Variants in LRRC69 observed in about 807,000 individuals in gnomAD.
LRRC69 encodes leucine-rich repeat-containing protein 69.
A neutral mutation model predicts 37.8 loss-of-function variants in LRRC69; 42 were observed. That is an observed-to-expected ratio of 1.11 (90% CI 0.87 to 1.44). The LOEUF (loss-of-function observed/expected upper bound fraction) is 1.44. Ranked by LOEUF, LRRC69 falls within the 40% of genes most tolerant of loss-of-function variation. The pLI, the probability that LRRC69 is intolerant of heterozygous loss-of-function variation, is 0.00. For synonymous variants in LRRC69, 141 were observed against 143.1 expected (o/e 0.99, Z 0.11); for missense variants, 357 against 401.9 (o/e 0.89, Z 0.96).
chr8:91,130,296 CAG>C (rs1371386287), intron 3 of LRRC69: 1 of 151,944 alleles, frequency 6.6e-6, no homozygotes, highest in Non-Finnish European at 1.5e-5. Flanking sequence ...TTTATTGAGA[CAG>C]AGTCTGGCCC....
chr8:91,141,509 T>C (rs1174862846), intron 5 of LRRC69, among the ~76,000 whole-genome samples: 4 of 152,164 alleles, frequency 2.6e-5, no homozygotes, highest in Admixed American at 6.5e-5. Flanking sequence ...GCAATTGATA[T>C]AAACCTCCTT....
exon 1 of LRRC69, chr8:91,102,813 A>C (rs777397067): frequency 4.5e-6 from 7 of 1,551,202 alleles, no homozygotes; most frequent in Non-Finnish European, 6.1e-6. Context: ...CTAATCCCCA[A>C]AGTGTGTCCA....
chr8:91,163,615 C>T (rs1808982715), intron 5 of LRRC69, among the ~76,000 whole-genome samples: 1 of 151,388 alleles, frequency 6.6e-6, no homozygotes, highest in South Asian at 2.1e-4. Flanking sequence ...TCCTGTTCCA[C>T]TTATTTTTCA....
chr8:91,102,794 C>T lies in LRRC69; in HGVS notation c.133C>T (p.Gln45Ter). 1 of 1,551,392 alleles carries T rather than the reference C, an allele frequency of 6.4e-7. No homozygotes were observed. The highest frequency in any genetic ancestry group is 1.4e-5 in the African/African-American group (1 of 73,124). ...GCCTGGCCTGAAGACTCTAGTCCTT[C>T]AGAATAACCTAATCCCCAAAGTGTG... The change falls in exon 1 of 8, where the codon CAG becomes TAG. Residue 45 changes from glutamine (Q) to a stop codon, truncating the protein, a stop_gained. Transcript: ENST00000448384. LOFTEE classifies it high-confidence loss of function.
At chr8:91,195,071 A>G (rs1809571820) in intron 6 of LRRC69, among the ~76,000 whole-genome samples, 1 of 152,196 alleles carries the variant, frequency 6.6e-6, no homozygotes, top group African/African-American at 2.4e-5. Context: ...TTCAAAGAAC[A>G]TCTTTATTTC....
intron 5 of LRRC69, among the ~76,000 whole-genome samples, chr8:91,137,349 T>C (rs1332966894): frequency 6.6e-6 from 1 of 152,052 alleles, no homozygotes; most frequent in Non-Finnish European, 1.5e-5. Flanking sequence ...ATTTCTATGG[T>C]ATGCTTGAGC....
rs188677415 is a variant in LRRC69, at chr8:91,110,368, G to C, written c.183+7524G>C. Among the ~76,000 whole-genome samples, 678 of 152,204 alleles carry C rather than the reference G, an allele frequency of 4.5e-3. 1 individual carries two copies. The highest frequency in any genetic ancestry group is 0.015 in the African/African-American group (636 of 41,576). ...AAAAGGTTTTATCTGGCCAGGTGCA[G>C]TGGCTCACGCCTGTAATCCAAGCAC... On this transcript the variant is annotated intron_variant, in intron 1 of 7. Transcript: ENST00000448384.
chr8:91,198,027 G>A (rs547853013), intron 6 of LRRC69, among the ~76,000 whole-genome samples: 1 of 152,122 alleles, frequency 6.6e-6, no homozygotes, highest in Admixed American at 6.5e-5. Context: ...ATTTCTACTG[G>A]GCATTTAGTC....
rs539773856 is a variant in LRRC69, at chr8:91,119,799, A to T, written c.184-4694A>T. 3.7e-4 allele frequency among the ~76,000 whole-genome samples: 56 copies of T among 152,064 alleles called. No individual in the cohort carries two copies. The Middle Eastern group carries it at 0.01, about 28-fold the overall frequency. ...GGAACTCTCTCATCTTTTCATCACG[A>T]ATTCATCTACTTATCTGATCCTCAC... On this transcript the variant is annotated intron_variant, in intron 1 of 7. Coordinates refer to ENST00000448384, the Ensembl canonical transcript of LRRC69.
At chr8:91,183,323 C>A (rs1049097012) in intron 5 of LRRC69, among the ~76,000 whole-genome samples, 2 of 151,852 alleles carry the variant, frequency 1.3e-5, no homozygotes, top group African/African-American at 4.8e-5. Flanking sequence ...TTGCTGAAGT[C>A]GAATAAGAAA....
chr8:91,208,252 C>T (rs1040020409), intron 7 of LRRC69, among the ~76,000 whole-genome samples: 1 of 152,094 alleles, frequency 6.6e-6, no homozygotes, highest in Non-Finnish European at 1.5e-5. Context: ...GGTATGATGA[C>T]ATTTTTGCTT....
intron 5 of LRRC69, among the ~76,000 whole-genome samples, chr8:91,155,020 CAA>C (rs1368380058): frequency 6.6e-6 from 1 of 151,656 alleles, no homozygotes; most frequent in Non-Finnish European, 1.5e-5. Flanking sequence ...GCAACTTCAG[CAA>C]AGTCTCAGGA....
At chr8:91,194,846 A>C (rs1809567664) in intron 6 of LRRC69, among the ~76,000 whole-genome samples, 2 of 151,776 alleles carry the variant, frequency 1.3e-5, no homozygotes, top group South Asian at 4.2e-4. Flanking sequence ...TATTTCCTTC[A>C]GTTCTGCTCT....
intron 5 of LRRC69, among the ~76,000 whole-genome samples, chr8:91,171,297 T>TAG (rs10683418): frequency 0.68 from 102,381 of 151,058 alleles, 35,219 homozygotes; most frequent in Middle Eastern, 0.74. Flanking sequence ...ATTTTAGTAT[T>TAG]AGTTATTCCA....
chr8:91,119,859 A>T (rs1035280708), intron 1 of LRRC69, among the ~76,000 whole-genome samples: 1 of 151,882 alleles, frequency 6.6e-6, no homozygotes, highest in Non-Finnish European at 1.5e-5. Context: ...ACTACCCTTG[A>T]TGAAGAGCCC....
At chr8:91,199,388 A>G (rs1367130078) in intron 6 of LRRC69, among the ~76,000 whole-genome samples, 1 of 152,194 alleles carries the variant, frequency 6.6e-6, no homozygotes, top group African/African-American at 2.4e-5. Context: ...ATCCATGCTC[A>G]GGGCTGTTTA....
intron 1 of LRRC69, among the ~76,000 whole-genome samples, chr8:91,111,343 G>A (rs1217732785): frequency 6.6e-6 from 1 of 151,900 alleles, no homozygotes; most frequent in Non-Finnish European, 1.5e-5. Context: ...GACCAGCCTG[G>A]CCAAGATGGT....
At chr8:91,152,888 A>T (rs1001814368) in intron 5 of LRRC69, among the ~76,000 whole-genome samples, 3 of 151,308 alleles carry the variant, frequency 2.0e-5, no homozygotes, top group African/African-American at 7.3e-5. Flanking sequence ...ATTTACCTTA[A>T]AAGTAAATGG....
At chr8:91,107,007 AC>A (rs2032221028) in intron 1 of LRRC69, among the ~76,000 whole-genome samples, 1 of 151,382 alleles carries the variant, frequency 6.6e-6, no homozygotes, top group Non-Finnish European at 1.5e-5. Context: ...TCACTTTGTC[AC>A]CCAGGCTGGT....
Sources: allele counts gnomAD v4.1 joint callset (sites outside exome capture counted in the v4.1 genomes callset), GRCh38; gene constraint gnomAD v4.1.1; transcripts MANE v1.5; gene names NCBI Gene and HGNC (gene_info 2026-07-23, HGNC 2026-07-21).